Variants in GALNTL6 observed in about 807,000 individuals in gnomAD.
GALNTL6 encodes the protein polypeptide N-acetylgalactosaminyltransferase like 6, also known as polypeptide N-acetylgalactosaminyltransferase-like 6.
GALNTL6 carries 46 observed loss-of-function variants against 73.7 expected under a neutral mutation model. That is an observed-to-expected ratio of 0.62 (90% confidence interval 0.49 to 0.80). The LOEUF (loss-of-function observed/expected upper bound fraction) is 0.80, where lower values mean the gene tolerates loss of function less well. Ranked by LOEUF, GALNTL6 falls within the 30% of genes least tolerant of loss-of-function variation. GALNTL6 has a pLI of 0.00. For synonymous variants in GALNTL6, 259 were observed against 263.7 expected (o/e 0.98, Z 0.17); for missense variants, 604 against 755.0 (o/e 0.80, Z 2.34).
chr4:172,311,709 A>G lies in GALNTL6; in HGVS notation c.343A>G (p.Asn115Asp). 1 of 1,610,620 alleles carries G rather than the reference A, an allele frequency of 6.2e-7. No individual in the cohort carries two copies. ...TGGTTTTAATATTTTCGTCAGCAAC[A>G]ATATTGCTCTAGAGAGGTCTCTGCC... The part of the protein sequence containing the change: ...ENGFNIFVSN[N>D]IALERSLPDI... The change falls in exon 4 of 13, where the codon AAT (asparagine) becomes GAT (aspartate). Residue 115 changes from asparagine to aspartate, a missense_variant. This residue lies in a region of GALNTL6 where 141 missense variants were observed against 156.6 expected (regional missense o/e 0.90). Coordinates refer to ENST00000506823, the MANE Select transcript of GALNTL6 (RefSeq NM_001034845.3).
intron 7 of GALNTL6, among the ~76,000 whole-genome samples, chr4:172,828,685 A>C (rs540377038): frequency 1.2e-4 from 18 of 152,248 alleles, no homozygotes; most frequent in Non-Finnish European, 2.2e-4. Flanking sequence ...AAAGGGAACA[A>C]GTACAATTCT....
intron 2 of GALNTL6, among the ~76,000 whole-genome samples, chr4:171,828,885 T>G (rs1560804341): frequency 6.6e-6 from 1 of 152,162 alleles, no homozygotes; most frequent in Non-Finnish European, 1.5e-5. Context: ...TCCTTCTGCC[T>G]GGGCCTCTCA....
At chr4:172,985,251 T>C (rs1243305855) in intron 10 of GALNTL6, among the ~76,000 whole-genome samples, 1 of 152,090 alleles carries the variant, frequency 6.6e-6, no homozygotes, top group Non-Finnish European at 1.5e-5. Context: ...CATTTAAACA[T>C]GACCTGCAAA....
At chr4:172,265,548 G>A (rs768072388) in intron 3 of GALNTL6, among the ~76,000 whole-genome samples, 1 of 151,984 alleles carries the variant, frequency 6.6e-6, no homozygotes, top group Non-Finnish European at 1.5e-5. Context: ...GGTTCTCTTG[G>A]TTCACTCAAT....
chr4:172,365,128 G>A (rs1238042782), intron 5 of GALNTL6, among the ~76,000 whole-genome samples: 1 of 152,160 alleles, frequency 6.6e-6, no homozygotes, highest in Non-Finnish European at 1.5e-5. Context: ...ATTTCAGTCA[G>A]GAGCACACTC....
chr4:172,625,991 T>G (rs974221759), intron 5 of GALNTL6, among the ~76,000 whole-genome samples: 6 of 152,154 alleles, frequency 3.9e-5, no homozygotes, highest in African/African-American at 1.2e-4. Flanking sequence ...TGTTGATAGT[T>G]TCTTTGGCTG....
intron 2 of GALNTL6, among the ~76,000 whole-genome samples, chr4:171,903,577 G>A (rs1452008787): frequency 7.0e-6 from 1 of 142,374 alleles, no homozygotes; most frequent in African/African-American, 2.9e-5. Flanking sequence ...AGGGGCGCCC[G>A]CCATTGTCCA....
intron 5 of GALNTL6, among the ~76,000 whole-genome samples, chr4:172,621,614 T>C (rs1292018559): frequency 6.6e-6 from 1 of 152,230 alleles, no homozygotes; most frequent in Non-Finnish European, 1.5e-5. Context: ...TTGTTTGTAA[T>C]ACAGTTTTAA....
At chr4:171,860,366 C>T (rs1023975) in intron 2 of GALNTL6, among the ~76,000 whole-genome samples, 1 of 151,894 alleles carries the variant, frequency 6.6e-6, no homozygotes, top group African/African-American at 2.4e-5. Context: ...GAAATTTGGA[C>T]CTTCATAGTC....
At chr4:172,548,659 C>T (rs1284849357) in intron 5 of GALNTL6, among the ~76,000 whole-genome samples, 2 of 152,148 alleles carry the variant, frequency 1.3e-5, no homozygotes, top group African/African-American at 4.8e-5. Flanking sequence ...AACATCCTTT[C>T]CTAAGTTCAC....
In GALNTL6 at chr4:171,871,978, T is replaced by A. The variant is rs1300583807; in HGVS notation, c.138+57260T>A. On this transcript the variant is annotated intron_variant, in intron 2 of 12. Transcript: ENST00000506823. ...AATGATGTTGTCCATGAACTCTGAA[T>A]GTAAATTGTAGATTACTTTGAAATA... 2.0e-5 allele frequency among the ~76,000 whole-genome samples: 3 copies of A among 152,190 alleles called. No individual in the cohort carries two copies. The East Asian group carries it at 5.8e-4, about 29-fold the overall frequency.
chr4:173,009,081 A>G, intron 10 of GALNTL6, 97 bp from the exon 11 acceptor site: 2 of 791,072 alleles, frequency 2.5e-6, no homozygotes, highest in Non-Finnish European at 4.4e-6. Context: ...AACCAAAAAG[A>G]TAATCTATGT....
intron 2 of GALNTL6, among the ~76,000 whole-genome samples, chr4:172,155,030 C>T (rs951982766): frequency 1.3e-5 from 2 of 150,738 alleles, no homozygotes; most frequent in Non-Finnish European, 1.5e-5. Flanking sequence ...CGTAGTCTCG[C>T]TCTGTTGTCC....
At chr4:172,728,614 A>T (rs1735969747) in intron 5 of GALNTL6, among the ~76,000 whole-genome samples, 1 of 152,038 alleles carries the variant, frequency 6.6e-6, no homozygotes, top group Non-Finnish European at 1.5e-5. Context: ...TATTTTGGCT[A>T]TTGTGAATAG....
intron 5 of GALNTL6, among the ~76,000 whole-genome samples, chr4:172,442,327 T>C (rs1456192586): frequency 6.6e-6 from 1 of 152,174 alleles, no homozygotes; most frequent in Non-Finnish European, 1.5e-5. Context: ...CTCGATCACC[T>C]GTATATTTGT....
rs184853979 is a variant in GALNTL6, at chr4:172,877,736, A to G, written c.924-5054A>G. 4.5e-3 allele frequency among the ~76,000 whole-genome samples: 679 copies of G among 152,002 alleles called. 3 individuals are homozygous for G. Among genetic ancestry groups the G allele is most frequent in the Middle Eastern group, 0.01 (3 of 294 alleles). ...TGTATTTCTATGGCCTGTAGAAAAA[A>G]AAATCTTCAGTAAGAACCTGTTGCT... On this transcript the variant is annotated intron_variant, in intron 7 of 12. Coordinates refer to ENST00000506823, the MANE Select transcript of GALNTL6 (RefSeq NM_001034845.3).
intron 2 of GALNTL6, among the ~76,000 whole-genome samples, chr4:172,069,215 A>T (rs1478456875): frequency 9.2e-6 from 1 of 108,226 alleles, no homozygotes; most frequent in Non-Finnish European, 2.0e-5. Flanking sequence ...TTGATAACCT[A>T]GGTCATTAAA....
At chr4:172,589,645 G>A (rs1280032957) in intron 5 of GALNTL6, among the ~76,000 whole-genome samples, 1 of 152,214 alleles carries the variant, frequency 6.6e-6, no homozygotes, top group East Asian at 1.9e-4. Context: ...TCTAAATTCT[G>A]CAGCCTTAAA....
intron 5 of GALNTL6, among the ~76,000 whole-genome samples, chr4:172,689,183 G>A (rs1733112259): frequency 6.6e-6 from 1 of 152,172 alleles, no homozygotes; most frequent in East Asian, 1.9e-4. Context: ...ACCAGGATGA[G>A]ATTATAGCTG....
Sources: gnomAD v4.1 joint callset for allele counts (sites outside exome capture counted in the v4.1 genomes callset) on GRCh38, gnomAD v4.1.1 for gene constraint, gnomAD v4.1.1 regional missense constraint, MANE v1.5 for transcripts, NCBI Gene and HGNC (gene_info 2026-07-23, HGNC 2026-07-21) for gene names.